Variants in UGT1A7 observed in about 807,000 individuals in gnomAD.
The protein encoded by UGT1A7 is UDP-glucuronosyltransferase 1A7.
A neutral mutation model predicts 45.6 loss-of-function variants in UGT1A7; 33 were observed. The observed-to-expected ratio is 0.72, with a 90% CI of 0.55 to 0.97. UGT1A7 has a LOEUF of 0.97. UGT1A7 is among the 50% of genes least tolerant of loss of function. The probability of loss-of-function intolerance (pLI) is 0.00; values close to 1 mark genes in which losing one functional copy is unlikely to be tolerated. For missense variants in UGT1A7, 684 were observed against 666.2 expected, an observed-to-expected ratio of 1.03 and a Z score of -0.29; for synonymous variants, 274 against 250.6, an observed-to-expected ratio of 1.09 and a Z score of -0.88.
rs200102302 is a variant in UGT1A7, at chr2:233,761,088, C to T, written c.856-5946C>T. Reference sequence around the variant, plus strand: ...ACTTTGTGAAGGATTACCCTAGGCCCATCATGCCCAATATGGTTTTTGTTG... The same window carrying T: ...ACTTTGTGAAGGATTACCCTAGGCCTATCATGCCCAATATGGTTTTTGTTG... On this transcript the variant is annotated intron_variant, in intron 1 of 4. Coordinates refer to ENST00000373426, the MANE Select transcript of UGT1A7 (RefSeq NM_019077.3). The T allele has an allele frequency of 4.8e-5, 77 of 1,614,202 alleles. No individual in the cohort carries two copies. Among genetic ancestry groups the T allele is most frequent in the Admixed American group, 1.0e-4 (6 of 60,034 alleles).
At chr2:233,699,340 A>T (rs2075499292) in intron 1 of UGT1A7, among the ~76,000 whole-genome samples, 1 of 152,158 alleles carries the variant, frequency 6.6e-6, no homozygotes, top group Admixed American at 6.5e-5. Flanking sequence ...CATCCACCCT[A>T]GGGCTAACCT....
intron 1 of UGT1A7, chr2:233,694,017 T>G: frequency 1.4e-6 from 2 of 1,382,468 alleles, no homozygotes; most frequent in Non-Finnish European, 9.8e-7. Context: ...CGGGAACACA[T>G]AGGAGACCTG....
intron 1 of UGT1A7, among the ~76,000 whole-genome samples, chr2:233,726,718 C>T (rs2077554623): frequency 1.3e-5 from 2 of 152,316 alleles, no homozygotes; most frequent in African/African-American, 2.4e-5. Flanking sequence ...TGAGGAAGTA[C>T]AATGTAGATA....
intron 1 of UGT1A7, chr2:233,693,053 T>C (rs2075129505): frequency 6.2e-7 from 1 of 1,614,086 alleles, no homozygotes; most frequent in African/African-American, 1.3e-5. Context: ...AGGGGTTTTC[T>C]TCTTAGCACT....
In UGT1A7 at chr2:233,682,106, G is replaced by A. The variant is rs769900053; in HGVS notation, c.169G>A (p.Val57Ile). The A allele has an allele frequency of 3.1e-6, 5 of 1,614,200 alleles. No homozygotes were observed. The highest frequency in any genetic ancestry group is 1.7e-4 in the Middle Eastern group (1 of 6,060). Residue 57 changes from valine (V) to isoleucine (I), a missense_variant, in exon 1 of 5, where the codon GTA (valine) becomes ATA (isoleucine). Physicochemically the swap from Val to Ile is conservative, Grantham distance 29. Coordinates refer to ENST00000373426, the MANE Select transcript of UGT1A7 (RefSeq NM_019077.3). ...KLILRGHEVV[V>I]VMPEVSWQLG... is the part of the protein sequence containing the mutation. ...CATCCTCAGGGGGCATGAGGTGGTC[G>A]TAGTCATGCCAGAGGTGAGTTGGCA...
In UGT1A7 at chr2:233,713,249, G is replaced by T; in HGVS notation, c.855+30457G>T. 6.2e-7 allele frequency: 1 copy of T among 1,614,250 alleles called. No individual in the cohort carries two copies. The highest frequency in any genetic ancestry group is 1.7e-5 in the Admixed American group (1 of 60,032). ...CAACGTATGCCATTTCATGGACCCA[G>T]GACGAATTTGATCGCCTTTTGCTGG... On this transcript the variant is annotated intron_variant, in intron 1 of 4. Coordinates refer to ENST00000373426, the MANE Select transcript of UGT1A7 (RefSeq NM_019077.3).
intron 1 of UGT1A7, chr2:233,717,746 TC>T: frequency 2.2e-6 from 1 of 456,424 alleles, no homozygotes; most frequent in South Asian, 1.5e-5. Flanking sequence ...GCTCAGGGTC[TC>T]CCCCTAGAAA....
intron 1 of UGT1A7, among the ~76,000 whole-genome samples, chr2:233,689,088 G>A (rs1435603489): frequency 6.6e-6 from 1 of 152,160 alleles, no homozygotes; most frequent in African/African-American, 2.4e-5. Context: ...TTAGTGGCCT[G>A]TGCCCCTCCC....
At chr2:233,771,575 T>A (rs927540192) in intron 4 of UGT1A7, 6 of 152,302 alleles carry the variant, frequency 3.9e-5, no homozygotes, top group African/African-American at 1.4e-4. Context: ...AGGTGGTTGT[T>A]TACAACTTCA....
chr2:233,713,121 ATGCGGGAGGCCT>A, intron 1 of UGT1A7: 1 of 1,614,250 alleles, frequency 6.2e-7, no homozygotes, highest in South Asian at 1.1e-5. Flanking sequence ...CTGGCTCAGC[ATGCGGGAGGCCT>A]TGCGGGACCT....
At chr2:233,743,465 CA>C (rs1314661599) in intron 1 of UGT1A7, 5 of 1,366,480 alleles carry the variant, frequency 3.7e-6, no homozygotes, top group Middle Eastern at 4.2e-4. Flanking sequence ...AAAACACCCC[CA>C]AAAGCTGGAA....
chr2:233,729,088 C>CG (rs1559373560), intron 1 of UGT1A7: 1 of 1,612,432 alleles, frequency 6.2e-7, no homozygotes, highest in Admixed American at 1.7e-5. Flanking sequence ...GCAGGCACAG[C>CG]GTGGGGTGGA....
At chr2:233,692,312 A>G (rs2075089951) in intron 1 of UGT1A7, 1 of 153,442 alleles carries the variant, frequency 6.5e-6, no homozygotes, top group Non-Finnish European at 1.5e-5. Context: ...TATCCTTTGT[A>G]ATAAACCAAA....
chr2:233,700,705 T>C (rs955776859), intron 1 of UGT1A7, among the ~76,000 whole-genome samples: 13 of 150,812 alleles, frequency 8.6e-5, no homozygotes, highest in Non-Finnish European at 1.6e-4. Flanking sequence ...ACTTTGAATG[T>C]TTTTTTCTTT....
chr2:233,712,533 T>C (rs1374295452), intron 1 of UGT1A7, among the ~76,000 whole-genome samples: 1 of 152,156 alleles, frequency 6.6e-6, no homozygotes, highest in Non-Finnish European at 1.5e-5. Flanking sequence ...GTGTTACCCA[T>C]ATGTGGGAAG....
chr2:233,748,418 A>G (rs1693939912), intron 1 of UGT1A7, among the ~76,000 whole-genome samples: 1 of 151,750 alleles, frequency 6.6e-6, no homozygotes, highest in African/African-American at 2.4e-5. Context: ...TTGAGACTTG[A>G]CCCATCTGGA....
intron 1 of UGT1A7, among the ~76,000 whole-genome samples, chr2:233,711,182 A>G (rs1225168983): frequency 1.3e-5 from 2 of 151,724 alleles, no homozygotes; most frequent in East Asian, 3.9e-4. Context: ...AATATGAGCT[A>G]CTCCCTCCCC....
At chr2:233,729,358 A>G in intron 1 of UGT1A7, 1 of 1,614,176 alleles carries the variant, frequency 6.2e-7, no homozygotes, top group Admixed American at 1.7e-5. Flanking sequence ...TTTCACCCTG[A>G]CAACCTATGC....
At position 233,690,793 on chromosome 2, in the gene UGT1A7, A is replaced by C. The variant is rs2075015381; in HGVS notation, c.855+8001A>C. On this transcript the variant is annotated intron_variant, in intron 1 of 4. Transcript: ENST00000373426. ...CACACACATACACACACACACACAC[A>C]CACACACCATTCTTAGTACAGTCAA... is the stretch of plus-strand genomic sequence containing the variant. The C allele has an allele frequency of 3.5e-6, 4 of 1,142,860 alleles. No homozygotes were observed. The South Asian group carries it at 5.7e-5, about 16-fold the overall frequency. 70.8% of individuals were successfully genotyped at this position (1,142,860 alleles called of 1,614,324 possible). A position where few individuals can be genotyped will look rare whatever the true frequency, so the allele number is the denominator to read the frequency against.
Sources: gnomAD v4.1 joint callset for allele counts (sites outside exome capture counted in the v4.1 genomes callset) on GRCh38, gnomAD v4.1.1 for gene constraint, MANE v1.5 for transcripts, NCBI Gene and HGNC (gene_info 2026-07-23, HGNC 2026-07-21) for gene names.